Variants in ACBD6 observed in about 807,000 individuals in gnomAD.
ACBD6 encodes the protein acyl-CoA-binding domain-containing protein 6.
ACBD6 carries 28 observed loss-of-function variants against 37.2 expected under a neutral mutation model. The observed-to-expected ratio is 0.75, with a 90% confidence interval of 0.56 to 1.03. The LOEUF is 1.03. Ranked by LOEUF, ACBD6 falls within the 50% of genes least tolerant of loss-of-function variation. ACBD6 has a pLI of 0.00. For synonymous variants in ACBD6, 113 were observed against 126.8 expected (o/e 0.89, Z 0.73); for missense variants, 340 against 337.4 (o/e 1.01, Z -0.06).
At position 180,370,526 on chromosome 1, in the gene ACBD6, G is replaced by A. The variant is rs367831636; in HGVS notation, c.663+26990C>T. 2.0e-5 allele frequency among the ~76,000 whole-genome samples: 3 copies of A among 152,126 alleles called. 1 individual carries two copies. The highest frequency in any genetic ancestry group is 4.4e-5 in the Non-Finnish European group (3 of 68,014). On this transcript the variant is annotated intron_variant, in intron 6 of 7. Transcript: ENST00000367595. ...CAATCCACTGGAAAGACAACACAAA[G>A]TGGACAATGAAGTAAATATAATACA...
intron 6 of ACBD6, among the ~76,000 whole-genome samples, chr1:180,390,399 A>T (rs1326924741): frequency 6.6e-6 from 1 of 150,846 alleles, no homozygotes; most frequent in Non-Finnish European, 1.5e-5. Flanking sequence ...TGTTTTGGTT[A>T]CTGTAGCCTT....
chr1:180,342,224 A>C (rs1368725151), intron 6 of ACBD6, among the ~76,000 whole-genome samples: 1 of 152,152 alleles, frequency 6.6e-6, no homozygotes, highest in South Asian at 2.1e-4. Flanking sequence ...CAGGAGGCCA[A>C]CCAGACTGTC....
intron 10 of ACBD6, chr1:180,274,341 A>G (rs1432395772): frequency 2.5e-6 from 4 of 1,614,190 alleles, no homozygotes; most frequent in East Asian, 2.2e-5. Flanking sequence ...GGAATCCCCC[A>G]GTCTCCATCC....
intron 6 of ACBD6, among the ~76,000 whole-genome samples, chr1:180,350,128 C>T (rs115572825): frequency 0.019 from 2,844 of 150,282 alleles, 91 homozygotes; most frequent in African/African-American, 0.065. Flanking sequence ...TGGGCTCAAG[C>T]GATCTCCCTG....
At chr1:180,303,636 T>G (rs886322073) in intron 7 of ACBD6, among the ~76,000 whole-genome samples, 4 of 150,510 alleles carry the variant, frequency 2.7e-5, no homozygotes, top group Non-Finnish European at 4.5e-5. Context: ...CCAAAAAAAG[T>G]CCAGGACCAG....
intron 6 of ACBD6, among the ~76,000 whole-genome samples, chr1:180,383,713 A>G (rs1440305104): frequency 1.3e-5 from 2 of 152,188 alleles, no homozygotes; most frequent in African/African-American, 4.8e-5. Flanking sequence ...AAATAGCTAA[A>G]GCAATCCTGA....
chr1:180,408,974 T>G (rs1292682610), intron 5 of ACBD6, among the ~76,000 whole-genome samples: 1 of 151,976 alleles, frequency 6.6e-6, no homozygotes, highest in African/African-American at 2.4e-5. Flanking sequence ...CTGGCCAACA[T>G]GGTGAAACCC....
intron 4 of ACBD6, among the ~76,000 whole-genome samples, chr1:180,416,884 A>T (rs147880113): frequency 2.9e-4 from 44 of 152,294 alleles, no homozygotes; most frequent in African/African-American, 1.0e-3. Context: ...AGTCCATTTA[A>T]CTACAAAAAT....
intron 3 of ACBD6, among the ~76,000 whole-genome samples, chr1:180,443,881 C>A (rs868575845): frequency 4.0e-5 from 6 of 151,818 alleles, no homozygotes; most frequent in Non-Finnish European, 7.4e-5. Context: ...CCTTGGCCTC[C>A]CAAAGTGCTG....
chr1:180,430,091 A>G (rs1191899994), intron 4 of ACBD6, 89 bp downstream of exon 4: 1 of 1,098,972 alleles, frequency 9.1e-7, no homozygotes, highest in Non-Finnish European at 1.4e-6. Flanking sequence ...TATAGTACAC[A>G]TATACACATA....
intron 3 of ACBD6, among the ~76,000 whole-genome samples, chr1:180,490,802 A>G (rs1266040920): frequency 1.4e-5 from 2 of 147,622 alleles, no homozygotes; most frequent in African/African-American, 2.5e-5. Flanking sequence ...AAAAAAAAAG[A>G]AAAAAAATTT....
chr1:180,469,933 ATCTT>A (rs1348101621), intron 3 of ACBD6, among the ~76,000 whole-genome samples: 4 of 152,180 alleles, frequency 2.6e-5, no homozygotes, highest in African/African-American at 9.7e-5. Flanking sequence ...ATGAATTACA[ATCTT>A]CCTTCACAAC....
intron 5 of ACBD6, among the ~76,000 whole-genome samples, chr1:180,409,723 T>C (rs1647776173): frequency 6.6e-6 from 1 of 152,202 alleles, no homozygotes; most frequent in African/African-American, 2.4e-5. Context: ...TCTCCCCCTC[T>C]CTTCAGGCTT....
intron 6 of ACBD6, among the ~76,000 whole-genome samples, chr1:180,319,881 A>G (rs1571355411): frequency 6.6e-6 from 1 of 152,232 alleles, no homozygotes; most frequent in Non-Finnish European, 1.5e-5. Context: ...TATAAGTACC[A>G]TATTTTCTTT....
At chr1:180,340,931 G>C (rs1651963085) in intron 6 of ACBD6, among the ~76,000 whole-genome samples, 1 of 152,192 alleles carries the variant, frequency 6.6e-6, no homozygotes, top group African/African-American at 2.4e-5. Flanking sequence ...ATTTTGAGGA[G>C]AGAAGAGAAA....
At chr1:180,439,738 GT>G (rs1352287789) in intron 3 of ACBD6, among the ~76,000 whole-genome samples, 1 of 152,166 alleles carries the variant, frequency 6.6e-6, no homozygotes, top group Non-Finnish European at 1.5e-5. Context: ...GTATTCACCT[GT>G]CTCTCCAGTT....
intron 3 of ACBD6, among the ~76,000 whole-genome samples, chr1:180,448,005 T>G (rs1416354194): frequency 6.6e-6 from 1 of 152,164 alleles, no homozygotes; most frequent in Non-Finnish European, 1.5e-5. Flanking sequence ...TCTACTCACA[T>G]ACACCAATAC....
At chr1:180,498,616 G>A (rs1237720394) in intron 1 of ACBD6, among the ~76,000 whole-genome samples, 1 of 152,122 alleles carries the variant, frequency 6.6e-6, no homozygotes, top group Admixed American at 6.5e-5. Context: ...CACTTTGGGA[G>A]GCCAAGGCAG....
intron 3 of ACBD6, among the ~76,000 whole-genome samples, chr1:180,460,466 C>T (rs1180621463): frequency 6.6e-6 from 1 of 152,190 alleles, no homozygotes; most frequent in African/African-American, 2.4e-5. Flanking sequence ...CCCGTTCCTC[C>T]TGGCTGGGCG....
Sources: gnomAD v4.1 joint callset for allele counts (sites outside exome capture counted in the v4.1 genomes callset) on GRCh38, gnomAD v4.1.1 for gene constraint, MANE v1.5 for transcripts, NCBI Gene and HGNC (gene_info 2026-07-23, HGNC 2026-07-21) for gene names.